UBE3D: variants seen among roughly 807,000 people sequenced by gnomAD.
UBE3D encodes the protein ubiquitin protein ligase E3D.
A neutral mutation model predicts 49.6 loss-of-function variants in UBE3D; 48 were observed. The observed-to-expected ratio is 0.97, with a 90% CI of 0.77 to 1.23. The LOEUF is 1.23. Ranked by LOEUF, UBE3D falls within the 50% of genes most tolerant of loss-of-function variation. The pLI is 0.00. For missense variants in UBE3D, 452 were observed against 468.4 expected, an observed-to-expected ratio of 0.96 and a Z score of 0.32; for synonymous variants, 189 against 174.2, an observed-to-expected ratio of 1.08 and a Z score of -0.67.
chr6:82,940,820 T>C (rs1453574210), intron 9 of UBE3D, among the ~76,000 whole-genome samples: 3 of 152,198 alleles, frequency 2.0e-5, no homozygotes, highest in Non-Finnish European at 4.4e-5. Context: ...GTATTGTCAG[T>C]ACTGTGCCCC....
intron 1 of UBE3D, among the ~76,000 whole-genome samples, chr6:83,058,740 G>C (rs1054331642): frequency 1.3e-5 from 2 of 152,230 alleles, no homozygotes; most frequent in Non-Finnish European, 2.9e-5. Flanking sequence ...ACAGAGGGTA[G>C]ACCATGTGCT....
Position 83,039,625 on chromosome 6 carries a change from TTTG to T in UBE3D, c.598-1143_598-1141del, listed in dbSNP as rs367962759. On this transcript the variant is annotated intron_variant, in intron 4 of 9. Coordinates refer to ENST00000369747, the MANE Select transcript of UBE3D (RefSeq NM_198920.3). ...GAACCAATTCAGTGGATTACTGTGT[TTTG>T]TTTTTTTTTGTTTTGTTTTATTTTG... 9.6e-3 allele frequency among the ~76,000 whole-genome samples: 1,467 copies of T among 152,196 alleles called. 22 individuals carry two copies. Among genetic ancestry groups the T allele is most frequent in the African/African-American group, 0.033 (1,390 of 41,540 alleles).
At chr6:82,966,880 A>G (rs1459299609) in intron 8 of UBE3D, among the ~76,000 whole-genome samples, 2 of 152,212 alleles carry the variant, frequency 1.3e-5, no homozygotes, top group African/African-American at 2.4e-5. Flanking sequence ...AATATTCCCA[A>G]CAGAAACTCA....
At chr6:82,925,563 ATCTG>A (rs779379405) in intron 9 of UBE3D, among the ~76,000 whole-genome samples, 18 of 152,256 alleles carry the variant, frequency 1.2e-4, no homozygotes, top group Non-Finnish European at 2.2e-4. Flanking sequence ...GAAGGGAAGT[ATCTG>A]TCTTTCTGAG....
chr6:82,911,216 A>AAAAAAC (rs1195615455), intron 9 of UBE3D, among the ~76,000 whole-genome samples: 4 of 150,670 alleles, frequency 2.7e-5, no homozygotes, highest in Non-Finnish European at 4.4e-5. Context: ...AAAAAAAAAA[A>AAAAAAC]AAAAAAACTC....
intron 9 of UBE3D, among the ~76,000 whole-genome samples, chr6:82,939,261 G>T (rs1314988463): frequency 6.6e-6 from 1 of 152,140 alleles, no homozygotes; most frequent in African/African-American, 2.4e-5. Context: ...CCACCATGAA[G>T]GACAGATGGA....
At chr6:83,043,250 C>T (rs940988562) in intron 4 of UBE3D, among the ~76,000 whole-genome samples, 7 of 152,068 alleles carry the variant, frequency 4.6e-5, no homozygotes, top group Non-Finnish European at 1.0e-4. Flanking sequence ...TACTTTTCTG[C>T]TCACAACTTC....
intron 8 of UBE3D, among the ~76,000 whole-genome samples, chr6:82,973,717 C>T (rs1777515487): frequency 6.6e-6 from 1 of 152,042 alleles, no homozygotes; most frequent in Non-Finnish European, 1.5e-5. Flanking sequence ...AGTAATCATC[C>T]CTGTACAGCA....
the UBE3D span, among the ~76,000 whole-genome samples, chr6:82,880,987 A>G: frequency 6.6e-6 from 1 of 152,136 alleles, no homozygotes; most frequent in Non-Finnish European, 1.5e-5. Flanking sequence ...AAGGTCTCTT[A>G]TCTCATTCAT....
chr6:83,038,518 T>C (rs1020622428), intron 4 of UBE3D, 33 bp from the exon 5 acceptor site: 28 of 1,559,122 alleles, frequency 1.8e-5, no homozygotes, highest in Non-Finnish European at 2.4e-5. Context: ...TTAAATGTCA[T>C]TCAGCTTTTC....
At chr6:82,882,784 C>CT in the UBE3D span, among the ~76,000 whole-genome samples, 49 of 151,224 alleles carry the variant, frequency 3.2e-4, no homozygotes, top group Middle Eastern at 3.4e-3. Context: ...TGAAAATAAC[C>CT]TTTTTTTTTA....
At chr6:82,987,469 T>G (rs1778602593) in intron 8 of UBE3D, among the ~76,000 whole-genome samples, 1 of 152,228 alleles carries the variant, frequency 6.6e-6, no homozygotes. Flanking sequence ...TTCCATTAGC[T>G]ACTATCTCCA....
At chr6:82,919,016 G>A (rs1582340654) in intron 9 of UBE3D, among the ~76,000 whole-genome samples, 1 of 152,044 alleles carries the variant, frequency 6.6e-6, no homozygotes, top group East Asian at 1.9e-4. Flanking sequence ...GAGAGTAGCA[G>A]GACTTAGATC....
At chr6:83,061,841 A>G (rs146657211) in intron 1 of UBE3D, among the ~76,000 whole-genome samples, 2 of 152,294 alleles carry the variant, frequency 1.3e-5, no homozygotes, top group East Asian at 1.9e-4. Context: ...GCACACTGCC[A>G]TAAGATCTTT....
At chr6:83,011,198 A>G (rs903648362) in intron 8 of UBE3D, among the ~76,000 whole-genome samples, 2 of 152,256 alleles carry the variant, frequency 1.3e-5, no homozygotes, top group Non-Finnish European at 2.9e-5. Context: ...GAAAAAGGAA[A>G]TAAGATGAAG....
intron 1 of UBE3D, among the ~76,000 whole-genome samples, chr6:83,064,461 C>G (rs1784372244): frequency 6.6e-6 from 1 of 152,032 alleles, no homozygotes; most frequent in Non-Finnish European, 1.5e-5. Flanking sequence ...CTCTTGACCT[C>G]GTGATCCGCC....
intron 8 of UBE3D, among the ~76,000 whole-genome samples, chr6:83,015,974 T>A (rs528469874): frequency 6.6e-6 from 1 of 152,252 alleles, no homozygotes; most frequent in South Asian, 2.1e-4. Context: ...CTCCCACACG[T>A]CCCCATTCCA....
At chr6:82,930,237 G>A (rs188615395) in intron 9 of UBE3D, among the ~76,000 whole-genome samples, 2 of 152,148 alleles carry the variant, frequency 1.3e-5, no homozygotes, top group East Asian at 1.9e-4. Context: ...CATTTCCTGA[G>A]GCCTCCCCAG....
At chr6:82,991,026 C>T (rs1256311535) in intron 8 of UBE3D, among the ~76,000 whole-genome samples, 1 of 152,176 alleles carries the variant, frequency 6.6e-6, no homozygotes, top group East Asian at 1.9e-4. Context: ...GTTACTGCTT[C>T]CAAGATGGTA....
Sources: allele counts gnomAD v4.1 joint callset (sites outside exome capture counted in the v4.1 genomes callset), GRCh38; gene constraint gnomAD v4.1.1; transcripts MANE v1.5; gene names NCBI Gene and HGNC (gene_info 2026-07-23, HGNC 2026-07-21).